CDH13: variants seen among roughly 807,000 people sequenced by gnomAD.
CDH13 encodes the protein cadherin-13.
In CDH13, 24 loss-of-function variants were observed where a neutral mutation model predicts 63.8. That is an observed-to-expected ratio of 0.38 (90% CI 0.27 to 0.53). The LOEUF is 0.53. Ranked by LOEUF, CDH13 falls within the 20% of genes least tolerant of loss-of-function variation. The pLI is 0.85. For missense variants in CDH13, 1,049 were observed against 903.1 expected (o/e 1.16, Z -2.07); for synonymous variants, 503 against 355.3 (o/e 1.42, Z -4.67).
intron 4 of CDH13, among the ~76,000 whole-genome samples, chr16:83,163,316 C>G (rs545458114): frequency 6.6e-6 from 1 of 151,976 alleles, no homozygotes; most frequent in Non-Finnish European, 1.5e-5. Flanking sequence ...TCTTTGTTCC[C>G]TACATAGGTT....
intron 1 of CDH13, among the ~76,000 whole-genome samples, chr16:82,728,167 A>C (rs1488815308): frequency 6.6e-6 from 1 of 152,154 alleles, no homozygotes; most frequent in Non-Finnish European, 1.5e-5. Context: ...GCACTCCAAA[A>C]ATGTTCTCTG....
At chr16:83,542,418 C>T (rs959910126) in intron 7 of CDH13, among the ~76,000 whole-genome samples, 3 of 152,232 alleles carry the variant, frequency 2.0e-5, no homozygotes, top group Admixed American at 2.0e-4. Flanking sequence ...ATTGCTGGAT[C>T]ACCTCCCCAC....
chr16:83,670,295 G>T (rs185817384), intron 8 of CDH13, among the ~76,000 whole-genome samples: 1 of 152,312 alleles, frequency 6.6e-6, no homozygotes, highest in Admixed American at 6.5e-5. Context: ...GCAAGGCTGC[G>T]AGAACAAATG....
At chr16:83,228,999 A>T (rs146758638) in intron 5 of CDH13, among the ~76,000 whole-genome samples, 1 of 152,126 alleles carries the variant, frequency 6.6e-6, no homozygotes, top group East Asian at 1.9e-4. Flanking sequence ...GTCCAAACTC[A>T]TAGTGAAGAT....
At chr16:82,896,836 A>G (rs1713426257) in intron 2 of CDH13, among the ~76,000 whole-genome samples, 1 of 114,406 alleles carries the variant, frequency 8.7e-6, no homozygotes. Context: ...GCTGGAGTGT[A>G]GTGGTGCAGT....
chr16:82,999,450 T>TTA (rs141549475), intron 2 of CDH13, among the ~76,000 whole-genome samples: 15,530 of 152,072 alleles, frequency 0.1, 877 homozygotes, highest in African/African-American at 0.16. Context: ...TAACACATGT[T>TTA]TATATATATA....
At chr16:83,331,810 G>T (rs752422468) in intron 5 of CDH13, among the ~76,000 whole-genome samples, 1 of 152,152 alleles carries the variant, frequency 6.6e-6, no homozygotes, top group African/African-American at 2.4e-5. Flanking sequence ...CTGCAATGCA[G>T]TGTTGTACTT....
intron 10 of CDH13, among the ~76,000 whole-genome samples, chr16:83,691,597 A>G (rs1483567112): frequency 1.3e-5 from 2 of 152,086 alleles, no homozygotes; most frequent in East Asian, 3.9e-4. Flanking sequence ...CAGGTGGGTC[A>G]CAAGGTCAGG....
intron 2 of CDH13, among the ~76,000 whole-genome samples, chr16:83,019,697 T>C (rs1915159218): frequency 6.6e-6 from 1 of 151,606 alleles, no homozygotes; most frequent in Admixed American, 6.6e-5. Flanking sequence ...AGTCTTGCCA[T>C]GTTGCCCAGT....
intron 5 of CDH13, among the ~76,000 whole-genome samples, chr16:83,249,039 A>G (rs1367208364): frequency 6.6e-6 from 1 of 152,214 alleles, no homozygotes; most frequent in East Asian, 1.9e-4. Context: ...TGTGTGTTGC[A>G]GTCTCTTATC....
chr16:83,585,582 G>C lies in CDH13; in HGVS notation c.961-16872G>C, dbSNP rs187463905. On this transcript the variant is annotated intron_variant, in intron 7 of 13. Coordinates refer to ENST00000567109, the MANE Select transcript of CDH13 (RefSeq NM_001257.5). ...CAAGCAGTTAGAAGTGTAGATCTGG[G>C]AATTAGGAGACAGTTGGTAATGGAA... 8.3e-4 allele frequency among the ~76,000 whole-genome samples: 121 copies of C among 145,668 alleles called. 1 individual carries two copies. Among genetic ancestry groups the C allele is most frequent in the African/African-American group, 3.0e-3 (117 of 39,244 alleles).
At chr16:83,021,469 A>C (rs1362501435) in intron 2 of CDH13, among the ~76,000 whole-genome samples, 2 of 152,202 alleles carry the variant, frequency 1.3e-5, no homozygotes, top group Non-Finnish European at 2.9e-5. Context: ...CAAAGATTCA[A>C]AGCTAACGGC....
chr16:83,425,307 C>T (rs928683393), intron 6 of CDH13, among the ~76,000 whole-genome samples: 4 of 152,204 alleles, frequency 2.6e-5, no homozygotes, highest in African/African-American at 9.6e-5. Flanking sequence ...AGCCACAGGA[C>T]ATCTCGGAAA....
chr16:83,196,954 AT>A (rs1446274530), intron 4 of CDH13, among the ~76,000 whole-genome samples: 1 of 152,182 alleles, frequency 6.6e-6, no homozygotes, highest in Non-Finnish European at 1.5e-5. Context: ...TATCCCAGAA[AT>A]AAAAACTTAT....
chr16:82,823,692 G>T lies in CDH13; in HGVS notation c.46-34670G>T, dbSNP rs1430276959. 4 of 152,018 alleles carry T rather than the reference G, an allele frequency of 2.6e-5. No individual in the cohort carries two copies. The East Asian group carries it at 7.7e-4, about 29-fold the overall frequency. The allele number at this position is 152,018 out of a possible 1,614,324, so 9.4% of individuals were successfully genotyped here. A position where few individuals can be genotyped will look rare whatever the true frequency, so the allele number is the denominator to read the frequency against. ...TGGAGGTAGTGTTGGTATATTTATT[G>T]TTATATAAAATATAGTATAATATTG... On this transcript the variant is annotated intron_variant, in intron 1 of 13. Transcript: ENST00000567109.
At chr16:83,510,157 A>C (rs1488192600) in intron 7 of CDH13, among the ~76,000 whole-genome samples, 1 of 152,206 alleles carries the variant, frequency 6.6e-6, no homozygotes, top group African/African-American at 2.4e-5. Context: ...TAAAAGCAAA[A>C]CAGTGAGATA....
intron 6 of CDH13, among the ~76,000 whole-genome samples, chr16:83,460,032 G>A (rs1032625783): frequency 6.6e-6 from 1 of 152,080 alleles, no homozygotes; most frequent in African/African-American, 2.4e-5. Context: ...TCAGTAACAA[G>A]ATTATATAAA....
intron 4 of CDH13, among the ~76,000 whole-genome samples, chr16:83,210,574 C>G (rs140321389): frequency 0.022 from 3,391 of 152,092 alleles, 54 homozygotes; most frequent in Middle Eastern, 0.068. Flanking sequence ...GTTCTAGGCT[C>G]TGAGGACAAA....
At chr16:83,511,531 A>G (rs1388344634) in intron 7 of CDH13, among the ~76,000 whole-genome samples, 3 of 152,162 alleles carry the variant, frequency 2.0e-5, no homozygotes, top group Non-Finnish European at 4.4e-5. Flanking sequence ...ACCTACACAT[A>G]CACTCATACA....
Sources: allele counts gnomAD v4.1 joint callset (sites outside exome capture counted in the v4.1 genomes callset), GRCh38; gene constraint gnomAD v4.1.1; transcripts MANE v1.5; gene names NCBI Gene and HGNC (gene_info 2026-07-23, HGNC 2026-07-21).